The following KCNH8 variants were observed in gnomAD, a reference collection of about 807,000 sequenced individuals.
The protein encoded by KCNH8 is voltage-gated delayed rectifier potassium channel KCNH8.
A neutral mutation model predicts 103.6 loss-of-function variants in KCNH8; 70 were observed. That is an observed-to-expected ratio of 0.68 (90% CI 0.56 to 0.82). The LOEUF is 0.82. KCNH8 is among the 40% of genes least tolerant of loss of function. KCNH8 has a pLI of 0.00. For missense variants in KCNH8, 1,217 were observed against 1,329.9 expected (o/e 0.92, Z 1.32); for synonymous variants, 498 against 489.4 (o/e 1.02, Z -0.23).
chr3:19,521,997 T>G (rs563241789), intron 15 of KCNH8, among the ~76,000 whole-genome samples: 3 of 152,022 alleles, frequency 2.0e-5, no homozygotes, highest in African/African-American at 7.2e-5. Context: ...AACAGGTAGC[T>G]TGTTATTTCA....
intron 10 of KCNH8, among the ~76,000 whole-genome samples, chr3:19,454,848 A>G (rs769935245): frequency 1.3e-5 from 2 of 152,172 alleles, no homozygotes; most frequent in Non-Finnish European, 2.9e-5. Flanking sequence ...AAACACTGGT[A>G]TGTGGTACTG....
intron 3 of KCNH8, among the ~76,000 whole-genome samples, chr3:19,287,914 C>T (rs1033477278): frequency 1.3e-5 from 2 of 152,070 alleles, no homozygotes; most frequent in African/African-American, 4.8e-5. Context: ...ACCATTTCAC[C>T]TTCTAACTTT....
rs935702866 is a variant in KCNH8, at chr3:19,531,782, C to G, written c.2620-1613C>G. 6.6e-5 allele frequency among the ~76,000 whole-genome samples: 10 copies of G among 152,250 alleles called. No homozygotes were observed. In the East Asian group the frequency reaches 1.7e-3, roughly 26 times the overall value. On this transcript the variant is annotated intron_variant, in intron 15 of 15. Coordinates refer to ENST00000328405, the MANE Select transcript of KCNH8 (RefSeq NM_144633.3). Reference sequence around the variant, plus strand: ...TACTTAAATGTTGAAGAATGTCTGCCCAAAACAGCAGTCTTGAATGAATCT... The same window carrying G: ...TACTTAAATGTTGAAGAATGTCTGCGCAAAACAGCAGTCTTGAATGAATCT...
intron 7 of KCNH8, among the ~76,000 whole-genome samples, chr3:19,407,714 AG>A (rs139890197): frequency 6.6e-6 from 1 of 152,256 alleles, no homozygotes; most frequent in East Asian, 1.9e-4. Context: ...TCCCTGGTTC[AG>A]CAGCCTGAGT....
intron 7 of KCNH8, among the ~76,000 whole-genome samples, chr3:19,412,845 A>C (rs1361053892): frequency 2.6e-5 from 4 of 152,024 alleles, no homozygotes; most frequent in Non-Finnish European, 5.9e-5. Flanking sequence ...CACCAGTCAG[A>C]ATGGCTATTA....
At chr3:19,367,605 A>G (rs2066031110) in intron 5 of KCNH8, among the ~76,000 whole-genome samples, 1 of 151,716 alleles carries the variant, frequency 6.6e-6, no homozygotes, top group South Asian at 2.1e-4. Flanking sequence ...CATATAATGC[A>G]TATGTAGCAC....
intron 5 of KCNH8, among the ~76,000 whole-genome samples, chr3:19,385,544 A>C (rs1479331586): frequency 6.6e-6 from 1 of 152,112 alleles, no homozygotes; most frequent in East Asian, 1.9e-4. Context: ...CACTGGGCCT[A>C]CTGCTCTTTC....
intron 11 of KCNH8, among the ~76,000 whole-genome samples, chr3:19,484,510 G>T (rs988393773): frequency 2.6e-5 from 4 of 152,218 alleles, no homozygotes; most frequent in Non-Finnish European, 5.9e-5. Flanking sequence ...GATGTGACTG[G>T]AGCAGGGCTT....
chr3:19,235,635 G>A (rs1229163318), intron 1 of KCNH8, among the ~76,000 whole-genome samples: 1 of 152,124 alleles, frequency 6.6e-6, no homozygotes, highest in Non-Finnish European at 1.5e-5. Context: ...ATATAACAAT[G>A]ATCATCTATG....
intron 3 of KCNH8, among the ~76,000 whole-genome samples, chr3:19,320,246 A>G (rs1234661500): frequency 6.6e-6 from 1 of 151,942 alleles, no homozygotes; most frequent in Non-Finnish European, 1.5e-5. Context: ...CAGTTCTCAG[A>G]GGGAGTGCTT....
At chr3:19,343,114 C>G (rs769505258) in intron 4 of KCNH8, among the ~76,000 whole-genome samples, 8 of 151,986 alleles carry the variant, frequency 5.3e-5, no homozygotes, top group Non-Finnish European at 1.2e-4. Context: ...TTATCTAGTT[C>G]TACAAATGCT....
chr3:19,460,070 A>T (rs929802707), intron 11 of KCNH8, among the ~76,000 whole-genome samples: 2 of 152,080 alleles, frequency 1.3e-5, no homozygotes, highest in Admixed American at 1.3e-4. Context: ...CTTATTAAAG[A>T]TTGTTCATGT....
intron 1 of KCNH8, among the ~76,000 whole-genome samples, chr3:19,213,659 A>G (rs2125226703): frequency 6.6e-6 from 1 of 152,312 alleles, no homozygotes; most frequent in Admixed American, 6.5e-5. Flanking sequence ...TCATCTGTTT[A>G]TTGCATCTCA....
intron 11 of KCNH8, among the ~76,000 whole-genome samples, chr3:19,507,940 T>A (rs1488717297): frequency 6.6e-6 from 1 of 152,222 alleles, no homozygotes; most frequent in Non-Finnish European, 1.5e-5. Context: ...ATTCCTCTGA[T>A]GACTAATCTG....
chr3:19,170,804 A>ATTTTT (rs1375715096), intron 1 of KCNH8, among the ~76,000 whole-genome samples: 24 of 103,328 alleles, frequency 2.3e-4, no homozygotes, highest in African/African-American at 1.1e-3. Context: ...ATATATATAT[A>ATTTTT]TATATATTTT....
chr3:19,439,677 T>C (rs2067250397), intron 8 of KCNH8, among the ~76,000 whole-genome samples: 1 of 152,054 alleles, frequency 6.6e-6, no homozygotes, highest in Admixed American at 6.5e-5. Flanking sequence ...TAATTCAAAA[T>C]ATATTAATAA....
Position 19,456,817 on chromosome 3 carries a change from C to A in KCNH8, c.1875C>A (p.Ile625=). 1 of 1,611,658 alleles carries A rather than the reference C, an allele frequency of 6.2e-7. No homozygotes were observed. Among genetic ancestry groups the A allele is most frequent in the Non-Finnish European group, 8.5e-7 (1 of 1,178,646 alleles). ...ATCTATCAATTAAGGACCAAGTGAT[C>A]AAGACCAATGCAGATGTAAAGGCTT... ...GANLSIKDQV[I]KTNADVKALT... The change falls in exon 11 of 16, where the codon ATC becomes ATA. Residue 625 remains isoleucine, a synonymous_variant. Transcript: ENST00000328405.
chr3:19,478,168 G>C (rs553052235), intron 11 of KCNH8, among the ~76,000 whole-genome samples: 3 of 151,906 alleles, frequency 2.0e-5, no homozygotes, highest in Non-Finnish European at 4.4e-5. Flanking sequence ...TTCTTCATCT[G>C]ATCCTCCACT....
intron 7 of KCNH8, among the ~76,000 whole-genome samples, chr3:19,402,889 G>A (rs1360685325): frequency 6.6e-6 from 1 of 151,670 alleles, no homozygotes; most frequent in Non-Finnish European, 1.5e-5. Flanking sequence ...ACGATTATAG[G>A]CCACATTCTC....
Sources: gnomAD v4.1 joint callset for allele counts (sites outside exome capture counted in the v4.1 genomes callset) on GRCh38, gnomAD v4.1.1 for gene constraint, MANE v1.5 for transcripts, NCBI Gene and HGNC (gene_info 2026-07-23, HGNC 2026-07-21) for gene names.